The following PEAK1 variants were observed in gnomAD, a reference collection of about 807,000 sequenced individuals.
The protein encoded by PEAK1 is pseudopodium enriched atypical kinase 1, also known as inactive tyrosine-protein kinase PEAK1.
Under a neutral mutation model 124.7 loss-of-function variants are expected in PEAK1, and 54 were observed. The observed-to-expected ratio is 0.43, with a 90% CI of 0.35 to 0.54. PEAK1 has a LOEUF of 0.54. Among genes scored for constraint, PEAK1 ranks in the 20% least tolerant of loss-of-function variants. The pLI is 0.01. For synonymous variants in PEAK1, 719 were observed against 760.0 expected, an observed-to-expected ratio of 0.95 and a Z score of 0.89; for missense variants, 2,046 against 2,134.5, an observed-to-expected ratio of 0.96 and a Z score of 0.82.
At position 77,214,266 on chromosome 15, in the gene PEAK1, A is replaced by T. The variant is rs2059038641; in HGVS notation, c.-114-32226T>A. Among the ~76,000 whole-genome samples, 4 of 152,144 alleles carry T rather than the reference A, an allele frequency of 2.6e-5. No homozygotes were observed. The South Asian group carries it at 6.2e-4, about 24-fold the overall frequency. On this transcript the variant is annotated intron_variant, in intron 6 of 9. Coordinates refer to ENST00000682557, the MANE Select transcript of PEAK1 (RefSeq NM_001385026.1). Reference sequence around the variant, plus strand: ...ATTTCAGTTGGGTAAATACCTTTGTATCAGTCCATTCCTATACCTCTATAA... The same window carrying T: ...ATTTCAGTTGGGTAAATACCTTTGTTTCAGTCCATTCCTATACCTCTATAA...
intron 9 of PEAK1, among the ~76,000 whole-genome samples, chr15:77,126,481 CCTAT>C (rs1315206747): frequency 6.6e-6 from 1 of 152,066 alleles, no homozygotes; most frequent in Non-Finnish European, 1.5e-5. Context: ...AAGTGCAGAA[CCTAT>C]CTAATATGCT....
Position 77,322,184 on chromosome 15 carries a change from C to G in PEAK1, c.-602-35680G>C, listed in dbSNP as rs140549157. On this transcript the variant is annotated intron_variant, in intron 2 of 9. Coordinates refer to ENST00000682557, the MANE Select transcript of PEAK1 (RefSeq NM_001385026.1). ...GCCCACAAGAGAAAGCAGGAAAGAT[C>G]TAAAATTGACACTCTAACATCACAA... Among the ~76,000 whole-genome samples, 1,116 of 152,186 alleles carry G rather than the reference C, an allele frequency of 7.3e-3. 15 individuals carry two copies. The highest frequency in any genetic ancestry group is 0.026 in the African/African-American group (1,060 of 41,512).
chr15:77,124,365 A>G (rs756210459), intron 9 of PEAK1, among the ~76,000 whole-genome samples: 2 of 152,198 alleles, frequency 1.3e-5, no homozygotes, highest in African/African-American at 2.4e-5. Flanking sequence ...TACCAAACCC[A>G]TATTTTTACC....
At chr15:77,403,772 T>C (rs1041440325) in intron 1 of PEAK1, 2 of 974,610 alleles carry the variant, frequency 2.1e-6, no homozygotes, top group African/African-American at 3.5e-5. Flanking sequence ...AGGAATATTT[T>C]TCACATGACC....
At chr15:77,273,183 G>A (rs1296829163) in intron 5 of PEAK1, among the ~76,000 whole-genome samples, 2 of 152,112 alleles carry the variant, frequency 1.3e-5, no homozygotes, top group Admixed American at 6.6e-5. Flanking sequence ...AAAGTTGAAA[G>A]TATTCCCCCT....
chr15:77,397,982 T>C (rs937806702), intron 1 of PEAK1, among the ~76,000 whole-genome samples: 15 of 152,150 alleles, frequency 9.9e-5, no homozygotes, highest in Non-Finnish European at 1.8e-4. Flanking sequence ...GGAGAATCGC[T>C]TGAACCCAGG....
intron 6 of PEAK1, among the ~76,000 whole-genome samples, chr15:77,184,144 T>C (rs1398920225): frequency 2.0e-5 from 3 of 151,994 alleles, no homozygotes; most frequent in South Asian, 2.1e-4. Flanking sequence ...GATACATGGA[T>C]TGCATTTAAA....
At chr15:77,414,050 T>C (rs1294486554) in intron 1 of PEAK1, among the ~76,000 whole-genome samples, 1 of 147,182 alleles carries the variant, frequency 6.8e-6, no homozygotes, top group Non-Finnish European at 1.5e-5. Flanking sequence ...CTTAAACTCC[T>C]GGGCTCAGAC....
At chr15:77,184,677 A>G (rs1016888751) in intron 6 of PEAK1, among the ~76,000 whole-genome samples, 7 of 152,188 alleles carry the variant, frequency 4.6e-5, no homozygotes, top group Non-Finnish European at 8.8e-5. Flanking sequence ...CGGGTGGATC[A>G]CTTGAGGCCA....
chr15:77,165,193 G>T (rs1226738111), intron 7 of PEAK1, among the ~76,000 whole-genome samples: 5 of 148,844 alleles, frequency 3.4e-5, no homozygotes, highest in African/African-American at 1.2e-4. Context: ...GAGCCACTAC[G>T]CCTGGCCTTT....
intron 2 of PEAK1, among the ~76,000 whole-genome samples, chr15:77,324,400 G>T (rs561643746): frequency 6.6e-6 from 1 of 152,156 alleles, no homozygotes; most frequent in African/African-American, 2.4e-5. Context: ...AGAATCACTT[G>T]AATCCAGAAG....
chr15:77,115,592 A>G (rs951903997), intron 9 of PEAK1, among the ~76,000 whole-genome samples: 1 of 150,828 alleles, frequency 6.6e-6, no homozygotes, highest in African/African-American at 2.4e-5. Context: ...GAATTTAAAA[A>G]AGAAAAAAAG....
At chr15:77,303,595 G>A (rs981820635) in intron 2 of PEAK1, among the ~76,000 whole-genome samples, 2 of 152,086 alleles carry the variant, frequency 1.3e-5, no homozygotes, top group Non-Finnish European at 2.9e-5. Flanking sequence ...TTTAAATTGG[G>A]TTATTTTCTC....
chr15:77,330,689 T>A (rs926721050), intron 2 of PEAK1, among the ~76,000 whole-genome samples: 8 of 152,176 alleles, frequency 5.3e-5, no homozygotes, highest in Non-Finnish European at 8.8e-5. Flanking sequence ...TTTCTTCAGG[T>A]CTTTATTCAA....
chr15:77,349,817 G>A, intron 2 of PEAK1: 1 of 985,260 alleles, frequency 1.0e-6, no homozygotes, highest in Non-Finnish European at 1.2e-6. Flanking sequence ...TGAGGGGACA[G>A]CCAGGCTGGA....
chr15:77,167,722 A>G (rs2056205831), intron 7 of PEAK1, among the ~76,000 whole-genome samples: 1 of 152,208 alleles, frequency 6.6e-6, no homozygotes, highest in African/African-American at 2.4e-5. Context: ...AGTAAAAAGG[A>G]GAGGTAATGC....
intron 1 of PEAK1, among the ~76,000 whole-genome samples, chr15:77,412,626 A>G (rs2072506505): frequency 6.6e-6 from 1 of 152,238 alleles, no homozygotes; most frequent in African/African-American, 2.4e-5. Flanking sequence ...GTATACATAC[A>G]TGCATTTCCT....
At chr15:77,217,215 T>G (rs1322778581) in intron 6 of PEAK1, among the ~76,000 whole-genome samples, 1 of 105,112 alleles carries the variant, frequency 9.5e-6, no homozygotes, top group Non-Finnish European at 1.8e-5. Flanking sequence ...CAAGAGAGAC[T>G]CTGTCTCAAA....
At chr15:77,328,008 A>G (rs1283887547) in intron 2 of PEAK1, among the ~76,000 whole-genome samples, 1 of 152,144 alleles carries the variant, frequency 6.6e-6, no homozygotes, top group Admixed American at 6.6e-5. Context: ...CAACTCCCTC[A>G]CAGCTTCTTG....
Sources: gnomAD v4.1 joint callset for allele counts (sites outside exome capture counted in the v4.1 genomes callset) on GRCh38, gnomAD v4.1.1 for gene constraint, MANE v1.5 for transcripts, NCBI Gene and HGNC (gene_info 2026-07-23, HGNC 2026-07-21) for gene names.